Variants in SPIRE2 observed in about 807,000 individuals in gnomAD.
SPIRE2 encodes the protein protein spire homolog 2.
A neutral mutation model predicts 80.7 loss-of-function variants in SPIRE2; 76 were observed. The ratio of observed to expected loss-of-function variants is 0.94; its 90% CI spans 0.78 to 1.14. SPIRE2 has a LOEUF of 1.14. Ranked by LOEUF, SPIRE2 falls within the 50% of genes most tolerant of loss-of-function variation. The probability of loss-of-function intolerance (pLI) is 0.00; values close to 1 mark genes in which losing one functional copy is unlikely to be tolerated. For missense variants in SPIRE2, 1,196 were observed against 1,015.3 expected, an observed-to-expected ratio of 1.18 and a Z score of -2.42; for synonymous variants, 535 against 432.6, an observed-to-expected ratio of 1.24 and a Z score of -2.94.
In SPIRE2 at chr16:89,855,564, C is replaced by T. The variant is rs368887681; in HGVS notation, c.892-36C>T. 115 of 1,585,976 alleles carry T rather than the reference C, an allele frequency of 7.3e-5. No individual in the cohort carries two copies. The African/African-American group carries it at 1.3e-3, about 17-fold the overall frequency. The stretch of plus-strand genomic sequence containing the variant: ...CAGTCGCCCTGCACTAGTGGATGGT[C>T]CCTGCAGGGCCTCAGATCAGCCGTC... On this transcript the variant is annotated intron_variant, in intron 5 of 14. Coordinates refer to ENST00000378247, the MANE Select transcript of SPIRE2 (RefSeq NM_032451.2).
At chr16:89,837,681 C>T (rs780914575) in intron 1 of SPIRE2, among the ~76,000 whole-genome samples, 5 of 151,448 alleles carry the variant, frequency 3.3e-5, no homozygotes, top group African/African-American at 1.2e-4. Flanking sequence ...GCCTCCCGGA[C>T]TCGGGTCTCC....
intron 1 of SPIRE2, among the ~76,000 whole-genome samples, chr16:89,832,213 T>G (rs2041392101): frequency 6.6e-6 from 1 of 152,248 alleles, no homozygotes; most frequent in Admixed American, 6.5e-5. Context: ...TTTGTGTGTC[T>G]GTGCTGGAGT....
rs547068301 is a variant in SPIRE2, at chr16:89,870,396, A to G, written c.*124A>G. The G allele has an allele frequency of 6.4e-6, 4 of 621,484 alleles. No individual in the cohort carries two copies. The Admixed American group carries it at 1.1e-4, about 17-fold the overall frequency. The allele number at this position is 621,484 out of a possible 1,614,324, so 38.5% of individuals were successfully genotyped here. ...CATTTATAATATATACACACAGTCT[A>G]TATATTTATATACACTGTTTCCTGG... On this transcript the variant is annotated 3_prime_UTR_variant, in exon 15 of 15. Coordinates refer to ENST00000378247, the MANE Select transcript of SPIRE2 (RefSeq NM_032451.2).
At chr16:89,847,429 T>C (rs1263532680) in intron 2 of SPIRE2, among the ~76,000 whole-genome samples, 2 of 152,180 alleles carry the variant, frequency 1.3e-5, no homozygotes, top group East Asian at 3.9e-4. Context: ...CTGTCCCGAG[T>C]CTCCAAACAG....
rs1567678204 is a variant in SPIRE2 at position 89,863,259 on chromosome 16, AG to A, written c.1576-214del. 2 of 590,130 alleles carry A rather than the reference AG, an allele frequency of 3.4e-6. No homozygotes were observed. Among genetic ancestry groups the A allele is most frequent in the East Asian group, 5.8e-5 (2 of 34,630 alleles). 36.6% of individuals were successfully genotyped at this position (590,130 alleles called of 1,614,324 possible). ...GCCAGTGAAGGCTGGGCTGGCCGGC[AG>A]GGTCCGCTGGTCATGGGAGGCCTGG... On this transcript the variant is annotated intron_variant, in intron 10 of 14. Transcript: ENST00000378247. The surrounding 1 kb of genome is among the most constrained non-coding windows in gnomAD (Gnocchi z 4.3).
intron 2 of SPIRE2, chr16:89,845,589 G>C: frequency 2.8e-6 from 2 of 703,058 alleles, no homozygotes; most frequent in Non-Finnish European, 5.2e-6. Context: ...TGGTGCTTCC[G>C]GCCTGGAGGA....
At chr16:89,848,493 C>T (rs1446493611) in intron 2 of SPIRE2, among the ~76,000 whole-genome samples, 1 of 142,744 alleles carries the variant, frequency 7.0e-6, no homozygotes, top group Non-Finnish European at 1.6e-5. Flanking sequence ...GGCGTTTCTG[C>T]AGGACAGACG....
chr16:89,859,069 C>A (rs1476967184), intron 8 of SPIRE2, 96 bp from the exon 9 acceptor site: 3 of 1,179,042 alleles, frequency 2.5e-6, no homozygotes, highest in Non-Finnish European at 3.5e-6. Context: ...CGCAGCAGAC[C>A]CTGCGGCACC....
intron 7 of SPIRE2, among the ~76,000 whole-genome samples, chr16:89,857,250 C>T (rs2041699652): frequency 6.6e-6 from 1 of 151,410 alleles, no homozygotes; most frequent in Non-Finnish European, 1.5e-5. Flanking sequence ...AATCCTCCCA[C>T]CTCAGCCTCT....
At chr16:89,858,987 G>A (rs2041717953) in intron 8 of SPIRE2, among the ~76,000 whole-genome samples, 178 bp from the exon 9 acceptor site, 1 of 152,180 alleles carries the variant, frequency 6.6e-6, no homozygotes, top group Non-Finnish European at 1.5e-5. Context: ...GGAAGGGCTT[G>A]GTTACTCGGG....
At chr16:89,836,649 T>C (rs938093012) in intron 1 of SPIRE2, among the ~76,000 whole-genome samples, 9 of 151,992 alleles carry the variant, frequency 5.9e-5, no homozygotes, top group African/African-American at 2.2e-4. Context: ...GACCTTGACC[T>C]CTGCTGTGAA....
chr16:89,845,197 T>C, intron 1 of SPIRE2, 125 bp from the exon 2 acceptor site: 1 of 874,904 alleles, frequency 1.1e-6, no homozygotes, highest in East Asian at 2.5e-5. Context: ...TGCTGTGAGC[T>C]TTCTGGTGTT....
At chr16:89,854,238 C>T in intron 3 of SPIRE2, 48 bp from the exon 4 acceptor site, 1 of 1,565,700 alleles carries the variant, frequency 6.4e-7, no homozygotes, top group South Asian at 1.1e-5. Context: ...CGTCTTGCAT[C>T]TGCCATTCTC....
At chr16:89,855,973 G>A (rs191220028) in intron 6 of SPIRE2, 140 bp from the exon 7 acceptor site, 2 of 1,427,168 alleles carry the variant, frequency 1.4e-6, no homozygotes, top group South Asian at 1.4e-5. Flanking sequence ...CTCCGGGTGG[G>A]CCTGGCAGGC....
chr16:89,863,853 C>T lies in SPIRE2; in HGVS notation c.1770C>T (p.Phe590=). Residue 590 remains phenylalanine (F), a synonymous_variant, in exon 12 of 15, where the codon TTC becomes TTT. Transcript: ENST00000378247. The surrounding 1 kb of genome is among the most constrained non-coding windows in gnomAD (Gnocchi z 4.3). ...TCTCGTGGCCGCCCAGCTGTCTCTT[C>T]TGCAAGAGGTGAGCCTTCCCTTTAG... ...PLFSWPPSCL[F]CKRAVCTSCS... 1.2e-6 allele frequency: 2 copies of T among 1,613,484 alleles called. No homozygotes were observed. The highest frequency in any genetic ancestry group is 1.7e-6 in the Non-Finnish European group (2 of 1,179,644).
intron 1 of SPIRE2, among the ~76,000 whole-genome samples, chr16:89,831,189 G>A (rs2041377562): frequency 6.6e-6 from 1 of 150,542 alleles, no homozygotes; most frequent in African/African-American, 2.4e-5. Context: ...GATTACAGGC[G>A]TGAGCCACTG....
At chr16:89,869,384 C>T (rs1444575836) in intron 13 of SPIRE2, among the ~76,000 whole-genome samples, 183 bp from the exon 14 acceptor site, 1 of 152,006 alleles carries the variant, frequency 6.6e-6, no homozygotes, top group East Asian at 1.9e-4. Context: ...AGCAGGAACC[C>T]CGTGCCAGTC....
In SPIRE2 at chr16:89,845,537, G is replaced by C. The variant is rs531643223; in HGVS notation, c.288+172G>C. 1.1e-4 allele frequency: 83 copies of C among 744,034 alleles called. No homozygotes were observed. In the Middle Eastern group the frequency reaches 1.8e-3, roughly 16 times the overall value. 46.1% of individuals were successfully genotyped at this position (744,034 alleles called of 1,614,324 possible). ...GACTGGATGAAACGCTGTTCACAGAGAGCAGACGTGGAGGAGACCGCCGGG... is the reference window on the plus strand; with the variant it reads ...GACTGGATGAAACGCTGTTCACAGACAGCAGACGTGGAGGAGACCGCCGGG... On this transcript the variant is annotated intron_variant, in intron 2 of 14. Transcript: ENST00000378247.
intron 1 of SPIRE2, among the ~76,000 whole-genome samples, chr16:89,831,163 C>T (rs529987564): frequency 2.0e-5 from 3 of 150,496 alleles, no homozygotes; most frequent in South Asian, 4.2e-4. Context: ...CCCACCTCGG[C>T]CTTCCAAAGT....
Sources: allele counts gnomAD v4.1 joint callset (sites outside exome capture counted in the v4.1 genomes callset), GRCh38; gene constraint gnomAD v4.1.1; non-coding constraint Gnocchi (gnomAD v3.1); transcripts MANE v1.5; gene names NCBI Gene and HGNC (gene_info 2026-07-23, HGNC 2026-07-21).